Variants in NTRK1 observed in about 807,000 individuals in gnomAD.
NTRK1 encodes the protein high affinity nerve growth factor receptor.
NTRK1 carries 62 observed loss-of-function variants against 86.8 expected under a neutral mutation model. That is an observed-to-expected ratio of 0.71 (90% CI 0.58 to 0.88). NTRK1 has a LOEUF of 0.88. Among genes scored for constraint, NTRK1 ranks in the 40% least tolerant of loss-of-function variants. The pLI, the probability that NTRK1 is intolerant of heterozygous loss-of-function variation, is 0.00. For missense variants in NTRK1, 967 were observed against 1,078.4 expected (o/e 0.90, Z 1.45); for synonymous variants, 469 against 456.6 (o/e 1.03, Z -0.35).
chr1:156,863,004 AAGTT>A (rs1655747865), intron 1 of NTRK1, among the ~76,000 whole-genome samples: 1 of 151,278 alleles, frequency 6.6e-6, no homozygotes, highest in South Asian at 2.1e-4. Context: ...AAGTTAGGGA[AAGTT>A]AGAGGGTAGA....
chr1:156,821,521 G>T (rs1654191437), intron 1 of NTRK1, among the ~76,000 whole-genome samples: 2 of 151,140 alleles, frequency 1.3e-5, no homozygotes, highest in East Asian at 1.9e-4. Context: ...GATGTCAGAA[G>T]ACATGAGATT....
rs889536345 is a variant in NTRK1 at position 156,840,769 on chromosome 1, T to C, written c.-63-1312T>C. ...TCTCTGCCCCACCCTCGGCCATCCC[T>C]TGCCCTGAGTTGGGGTGGGGGTGAA... On this transcript the variant is annotated intron_variant, in intron 1 of 16. Transcript: ENST00000392302. The C allele has an allele frequency of 3.4e-6, 3 of 890,512 alleles. No individual in the cohort carries two copies. The African/African-American group carries it at 5.0e-5, about 15-fold the overall frequency. The allele number at this position is 890,512 out of a possible 1,614,324, so 55.2% of individuals were successfully genotyped here. A position where few individuals can be genotyped will look rare whatever the true frequency, so the allele number is the denominator to read the frequency against.
upstream of NTRK1, chr1:156,860,760 AGGAAGCGGGT>A: frequency 3.3e-6 from 4 of 1,207,080 alleles, no homozygotes; most frequent in Non-Finnish European, 3.2e-6. Context: ...GTCAGAGAGT[AGGAAGCGGGT>A]GGAGAAGAGG....
intron 2 of NTRK1, chr1:156,843,413 A>G (rs202130625): frequency 9.3e-6 from 15 of 1,613,244 alleles, no homozygotes; most frequent in Admixed American, 1.7e-5. Context: ...CTGTCCACCC[A>G]CTCCCAGACC....
intron 1 of NTRK1, among the ~76,000 whole-genome samples, chr1:156,861,915 T>G (rs778460316): frequency 6.6e-6 from 1 of 152,220 alleles, no homozygotes; most frequent in Non-Finnish European, 1.5e-5. Flanking sequence ...TACAAAATAC[T>G]CAAGTACTTT....
chr1:156,875,289 T>C (rs940372956), intron 11 of NTRK1, among the ~76,000 whole-genome samples: 2 of 151,318 alleles, frequency 1.3e-5, no homozygotes, highest in African/African-American at 4.9e-5. Flanking sequence ...GTCTGGGCTC[T>C]GTGGGGGTGG....
intron 2 of NTRK1, chr1:156,844,811 AG>A: frequency 5.0e-6 from 8 of 1,614,132 alleles, no homozygotes; most frequent in Non-Finnish European, 6.8e-6. Context: ...GAGGCCTCCC[AG>A]GCCACCTTTC....
In NTRK1 at chr1:156,861,005, C is replaced by A; in HGVS notation, c.71C>A (p.Ala24Asp). The change falls in exon 1 of 17, where the codon GCT becomes GAT. Residue 24 changes from alanine (A) to aspartate (D), a missense_variant. By Grantham distance (126) the Ala-to-Asp change is moderately radical. Around this residue, in one of 2 missense-constraint regions of NTRK1, gnomAD observed 330 missense variants for 302.0 expected, o/e 1.09. Coordinates refer to ENST00000524377, the MANE Select transcript of NTRK1 (RefSeq NM_002529.4). ...GCTGCGGGGCCGGGCAGCCTGCTGG[C>A]TTGGCTGATACTGGCATCTGCGGGC... ...SWAAGPGSLL[A>D]WLILASAGAA... is the part of the protein sequence containing the mutation. The A allele has an allele frequency of 6.5e-7, 1 of 1,536,298 alleles. No homozygotes were observed. The highest frequency in any genetic ancestry group is 8.7e-7 in the Non-Finnish European group (1 of 1,147,304).
intron 2 of NTRK1, chr1:156,846,132 G>A: frequency 1.3e-6 from 2 of 1,574,806 alleles, no homozygotes; most frequent in Non-Finnish European, 8.6e-7. Flanking sequence ...AGGAGTGCGA[G>A]AAGGATGCAA....
intron 3 of NTRK1, 97 bp from the exon 4 acceptor site, chr1:156,866,813 T>G: frequency 8.2e-7 from 1 of 1,219,462 alleles, no homozygotes; most frequent in Non-Finnish European, 1.2e-6. Context: ...GGGAGCCAGA[T>G]GTCAACTTCT....
upstream of NTRK1, chr1:156,859,108 G>C (rs41397147): frequency 6.4e-6 from 1 of 156,138 alleles, no homozygotes; most frequent in African/African-American, 2.4e-5. The surrounding 1 kb of genome is among the most constrained non-coding windows in gnomAD (Gnocchi z 6.2). Flanking sequence ...TGCTGGCTGC[G>C]GTCCTTCCCA....
In NTRK1 at chr1:156,868,641, G is replaced by A. The variant is rs537430475; in HGVS notation, c.711G>A (p.Thr237=). ...WILTELEQSA[T]VMKSGGLPSL... ...TCACAGAGCTGGAGCAGTCAGCCAC[G>A]GTGATGGTGAGAAGACCTTCGCTGG... Residue 237 remains threonine (T), a synonymous_variant, in exon 6 of 17, where the codon ACG becomes ACA. Coordinates refer to ENST00000524377, the MANE Select transcript of NTRK1 (RefSeq NM_002529.4). 410 of 1,550,778 alleles carry A rather than the reference G, an allele frequency of 2.6e-4. 4 individuals carry two copies. In the South Asian group the frequency reaches 2.8e-3, roughly 11 times the overall value.
At chr1:156,855,813 A>C (rs1655389080) in intron 2 of NTRK1, among the ~76,000 whole-genome samples, 1 of 152,172 alleles carries the variant, frequency 6.6e-6, no homozygotes, top group Non-Finnish European at 1.5e-5. Context: ...CGACAGAGTG[A>C]GACCCTGTCT....
intron 2 of NTRK1, among the ~76,000 whole-genome samples, chr1:156,850,534 CTTTTTTTTTT>C (rs35237064): frequency 4.8e-4 from 28 of 58,636 alleles, no homozygotes; most frequent in Non-Finnish European, 1.8e-4. Flanking sequence ...TTAAAACATT[CTTTTTTTTTT>C]TTTTTTTTTT....
chr1:156,825,117 G>A (rs187202622), intron 1 of NTRK1, among the ~76,000 whole-genome samples: 3 of 152,162 alleles, frequency 2.0e-5, no homozygotes, highest in East Asian at 1.9e-4. Context: ...TCAAACTCCC[G>A]ACCTCAGGTG....
At chr1:156,846,574 GTCC>G in intron 2 of NTRK1, 1 of 1,614,198 alleles carries the variant, frequency 6.2e-7, no homozygotes, top group Non-Finnish European at 8.5e-7. Context: ...GATGAGGGCT[GTCC>G]TCCTCAGTGG....
At chr1:156,842,326 C>T in intron 2 of NTRK1, 1 of 1,613,344 alleles carries the variant, frequency 6.2e-7, no homozygotes, top group South Asian at 1.1e-5. Context: ...GGTCTCCTGT[C>T]CAGAACTGGC....
At chr1:156,852,314 TCAGATGACACTGGTTG>T (rs1655254159) in intron 2 of NTRK1, 5 of 955,510 alleles carry the variant, frequency 5.2e-6, no homozygotes, top group Non-Finnish European at 7.7e-6. Flanking sequence ...TCCCTCCCAT[TCAGATGACACTGGTTG>T]CCGACTCTGT....
intron 14 of NTRK1, 101 bp downstream of exon 14, chr1:156,876,673 A>G (rs1022596474): frequency 2.0e-5 from 28 of 1,415,920 alleles, no homozygotes; most frequent in South Asian, 4.9e-5. Flanking sequence ...CCAAGGGGAG[A>G]CACCAAGAAA....
Sources: gnomAD v4.1 joint callset for allele counts (sites outside exome capture counted in the v4.1 genomes callset) on GRCh38, gnomAD v4.1.1 for gene constraint, gnomAD v4.1.1 regional missense constraint, Gnocchi (gnomAD v3.1) non-coding constraint, MANE v1.5 for transcripts, NCBI Gene and HGNC (gene_info 2026-07-23, HGNC 2026-07-21) for gene names.